The following TANGO6 variants were observed in gnomAD, a reference collection of about 807,000 sequenced individuals.
The protein encoded by TANGO6 is transport and golgi organization 6 homolog, also known as transport and Golgi organization protein 6 homolog.
A neutral mutation model predicts 114.2 loss-of-function variants in TANGO6; 90 were observed. That is an observed-to-expected ratio of 0.79 (90% CI 0.66 to 0.94). The LOEUF is 0.94. Ranked by LOEUF, TANGO6 falls within the 40% of genes least tolerant of loss-of-function variation. TANGO6 has a pLI of 0.00. For missense variants in TANGO6, 1,274 were observed against 1,315.3 expected, an observed-to-expected ratio of 0.97 and a Z score of 0.49; for synonymous variants, 477 against 509.8, an observed-to-expected ratio of 0.94 and a Z score of 0.87.
chr16:68,900,061 T>C (rs998024256), intron 7 of TANGO6, among the ~76,000 whole-genome samples: 2 of 152,314 alleles, frequency 1.3e-5, no homozygotes, highest in African/African-American at 2.4e-5. Flanking sequence ...AGTAATTACT[T>C]GTTCCTAATA....
chr16:68,863,374 G>A (rs761971617), intron 3 of TANGO6, among the ~76,000 whole-genome samples: 8 of 151,752 alleles, frequency 5.3e-5, no homozygotes, highest in Non-Finnish European at 1.0e-4. Context: ...TTGGGAGGCC[G>A]AGGTGGGCGG....
At chr16:68,920,296 G>A (rs1313797655) in intron 12 of TANGO6, among the ~76,000 whole-genome samples, 1 of 152,212 alleles carries the variant, frequency 6.6e-6, no homozygotes, top group African/African-American at 2.4e-5. Context: ...CACTGAGGAA[G>A]TGTAAGCGTA....
intron 12 of TANGO6, among the ~76,000 whole-genome samples, chr16:68,920,976 G>T (rs1030041652): frequency 6.6e-6 from 1 of 151,358 alleles, no homozygotes; most frequent in South Asian, 2.1e-4. Flanking sequence ...GGTGGCGGGT[G>T]CCTGTAGTCC....
intron 14 of TANGO6, among the ~76,000 whole-genome samples, chr16:68,931,426 T>TA (rs1963237374): frequency 6.6e-6 from 1 of 152,190 alleles, no homozygotes; most frequent in South Asian, 2.1e-4. Context: ...AATGAAAACA[T>TA]ATGTCTGCAC....
At chr16:68,940,346 T>G (rs994275306) in intron 14 of TANGO6, among the ~76,000 whole-genome samples, 1 of 152,040 alleles carries the variant, frequency 6.6e-6, no homozygotes, top group Non-Finnish European at 1.5e-5. Flanking sequence ...CCACCAAGCC[T>G]AGTCCTAAAA....
chr16:69,047,820 T>C (rs1204179555), intron 17 of TANGO6, among the ~76,000 whole-genome samples: 2 of 152,160 alleles, frequency 1.3e-5, no homozygotes, highest in Non-Finnish European at 2.9e-5. Context: ...ATAGCCACAA[T>C]ATAAAATGGC....
At chr16:69,016,816 C>A (rs1280265812) in intron 15 of TANGO6, among the ~76,000 whole-genome samples, 1 of 152,050 alleles carries the variant, frequency 6.6e-6, no homozygotes, top group African/African-American at 2.4e-5. Flanking sequence ...GGCACCACCA[C>A]ACCTGGCTAA....
At chr16:68,871,711 C>T (rs1408428045) in intron 4 of TANGO6, among the ~76,000 whole-genome samples, 1 of 152,092 alleles carries the variant, frequency 6.6e-6, no homozygotes, top group African/African-American at 2.4e-5. Flanking sequence ...CTTCTGCCTC[C>T]CAGGTTCAAG....
At chr16:68,994,606 G>T (rs1321190889) in intron 15 of TANGO6, among the ~76,000 whole-genome samples, 9 of 148,622 alleles carry the variant, frequency 6.1e-5, no homozygotes. Context: ...ACTGGTTCTT[G>T]CTCTGTTACC....
intron 17 of TANGO6, among the ~76,000 whole-genome samples, chr16:69,048,197 C>G (rs903344656): frequency 4.6e-5 from 7 of 151,766 alleles, no homozygotes; most frequent in African/African-American, 1.7e-4. Flanking sequence ...ATTCTTGTGC[C>G]TGAGCCTCTT....
At position 68,860,319 on chromosome 16, in the gene TANGO6, C is replaced by T. The variant is rs1167274391; in HGVS notation, c.530C>T (p.Ala177Val). The T allele has an allele frequency of 6.2e-7, 1 of 1,613,960 alleles. No homozygotes were observed. ...TTGAGATATAGAACTGAATTTGGTGCCGTCGTTCAAGACGTGGTGTGTTTT... is the reference window on the plus strand; with the variant it reads ...TTGAGATATAGAACTGAATTTGGTGTCGTCGTTCAAGACGTGGTGTGTTTT... ...VPLRYRTEFG[A>V]VVQDVVCFDA... Residue 177 changes from alanine to valine, a missense_variant, in exon 2 of 18, where the codon GCC becomes GTC. Physicochemically the swap from Ala to Val is moderately conservative, Grantham distance 64 (BLOSUM62 0). Coordinates refer to ENST00000261778, the MANE Select transcript of TANGO6 (RefSeq NM_024562.2).
intron 17 of TANGO6, among the ~76,000 whole-genome samples, chr16:69,058,223 G>A (rs760652057): frequency 5.3e-5 from 8 of 152,160 alleles, no homozygotes; most frequent in Non-Finnish European, 1.0e-4. Context: ...ATGCTCTGGG[G>A]TTTGTTCCAG....
chr16:68,857,069 G>A (rs1043441771), intron 1 of TANGO6, among the ~76,000 whole-genome samples: 3 of 152,244 alleles, frequency 2.0e-5, no homozygotes, highest in South Asian at 2.1e-4. Flanking sequence ...AGATCGCACC[G>A]CTGCACTCCA....
chr16:68,882,440 T>C (rs936946092), intron 7 of TANGO6, among the ~76,000 whole-genome samples: 3 of 150,820 alleles, frequency 2.0e-5, no homozygotes, highest in Non-Finnish European at 2.9e-5. Flanking sequence ...GAGCTTGCAG[T>C]GAGCCGAGAT....
At chr16:68,884,547 G>A (rs1962512753) in intron 7 of TANGO6, among the ~76,000 whole-genome samples, 1 of 152,142 alleles carries the variant, frequency 6.6e-6, no homozygotes, top group Non-Finnish European at 1.5e-5. Flanking sequence ...GAAAGACCAT[G>A]TCCCATCTAA....
intron 14 of TANGO6, among the ~76,000 whole-genome samples, chr16:68,963,121 C>CTT (rs946919701): frequency 2.9e-5 from 4 of 136,236 alleles, no homozygotes; most frequent in Admixed American, 7.3e-5. Context: ...TGTCCTTGTG[C>CTT]TTTTTTTTTT....
At chr16:69,047,545 A>C (rs1959882666) in intron 17 of TANGO6, among the ~76,000 whole-genome samples, 1 of 151,982 alleles carries the variant, frequency 6.6e-6, no homozygotes, top group African/African-American at 2.4e-5. Flanking sequence ...CTAATCTTAC[A>C]TTTCCCCTAG....
At chr16:68,882,579 C>T (rs911479625) in intron 7 of TANGO6, among the ~76,000 whole-genome samples, 2 of 151,982 alleles carry the variant, frequency 1.3e-5, no homozygotes, top group Non-Finnish European at 2.9e-5. Context: ...ACAAATGACA[C>T]AAGGGATCTT....
intron 16 of TANGO6, among the ~76,000 whole-genome samples, chr16:69,027,969 T>G (rs956985071): frequency 7.2e-5 from 11 of 151,976 alleles, no homozygotes; most frequent in Non-Finnish European, 1.5e-4. Context: ...TTTTTTCTTT[T>G]TTTGTTTTTT....
Sources: gnomAD v4.1 joint callset for allele counts (sites outside exome capture counted in the v4.1 genomes callset) on GRCh38, gnomAD v4.1.1 for gene constraint, MANE v1.5 for transcripts, NCBI Gene and HGNC (gene_info 2026-07-23, HGNC 2026-07-21) for gene names.